Variants in HLF observed in about 807,000 individuals in gnomAD.
HLF encodes hepatic leukemia factor.
A neutral mutation model predicts 22.6 loss-of-function variants in HLF; 3 were observed. That is an observed-to-expected ratio of 0.13 (90% confidence interval 0.06 to 0.34). The LOEUF (loss-of-function observed/expected upper bound fraction) is 0.34. Among genes scored for constraint, HLF ranks in the 10% least tolerant of loss-of-function variants. The pLI is 1.00. For synonymous variants in HLF, 151 were observed against 151.8 expected (o/e 0.99, Z 0.04); for missense variants, 299 against 389.2 (o/e 0.77, Z 1.95).
chr17:55,274,035 C>G (rs1276350975), intron 2 of HLF, among the ~76,000 whole-genome samples: 1 of 151,932 alleles, frequency 6.6e-6, no homozygotes, highest in African/African-American at 2.4e-5. Context: ...CAGAGTCTTT[C>G]CAGTTCAGCA....
chr17:55,316,058 C>A (rs922716850), intron 3 of HLF, among the ~76,000 whole-genome samples: 2 of 152,174 alleles, frequency 1.3e-5, no homozygotes, highest in Non-Finnish European at 2.9e-5. Flanking sequence ...TAGGTTTTCT[C>A]TGCAGTGTTG....
At chr17:55,298,814 A>G (rs1298159454) in intron 2 of HLF, among the ~76,000 whole-genome samples, 1 of 152,250 alleles carries the variant, frequency 6.6e-6, no homozygotes, top group Non-Finnish European at 1.5e-5. Flanking sequence ...ACTTGAATTT[A>G]TATGAGAAAA....
intron 2 of HLF, among the ~76,000 whole-genome samples, chr17:55,292,524 A>G (rs2081073117): frequency 6.6e-6 from 1 of 152,234 alleles, no homozygotes; most frequent in Non-Finnish European, 1.5e-5. Flanking sequence ...TATAGCATAA[A>G]CATAAATTTT....
At chr17:55,298,776 CTGTT>C (rs1249129230) in intron 2 of HLF, among the ~76,000 whole-genome samples, 5 of 152,114 alleles carry the variant, frequency 3.3e-5, no homozygotes, top group South Asian at 4.2e-4. Context: ...AAATCAGTGG[CTGTT>C]TGGCCATTTT....
At chr17:55,276,488 A>T (rs1422753058) in intron 2 of HLF, among the ~76,000 whole-genome samples, 1 of 152,234 alleles carries the variant, frequency 6.6e-6, no homozygotes, top group Non-Finnish European at 1.5e-5. Context: ...CCTTTGCTCA[A>T]GGCAAAGGTG....
At chr17:55,265,993 G>A (rs1441499998) in intron 1 of HLF, 2 of 304,078 alleles carry the variant, frequency 6.6e-6, no homozygotes, top group Non-Finnish European at 9.9e-6. Flanking sequence ...GCCTGGTTCT[G>A]TGCGGGGCAG....
At chr17:55,316,030 C>T (rs536437189) in intron 3 of HLF, among the ~76,000 whole-genome samples, 47 of 152,232 alleles carry the variant, frequency 3.1e-4, no homozygotes, top group Non-Finnish European at 2.6e-4. Context: ...AATATCTCAC[C>T]GCTAGATTAA....
In HLF at chr17:55,296,171, G is replaced by T. The variant is rs970086973; in HGVS notation, c.452-19056G>T. On this transcript the variant is annotated intron_variant, in intron 2 of 3. Coordinates refer to ENST00000226067, the MANE Select transcript of HLF (RefSeq NM_002126.5). ...ATGGTGTGAATATTCCTGAGGTGTG[G>T]GTGGTTGGTTTCCTTACAAGGTAGG... Among the ~76,000 whole-genome samples the T allele has an allele frequency of 3.3e-5, 5 of 152,262 alleles. No individual in the cohort carries two copies. In the South Asian group the frequency reaches 6.2e-4, roughly 19 times the overall value.
chr17:55,315,547 GA>G (rs3841527), intron 3 of HLF, 100 bp downstream of exon 3: 75,386 of 848,320 alleles, frequency 0.089, 7,837 homozygotes, highest in East Asian at 0.45. Flanking sequence ...GCTAGTGCAT[GA>G]AGGATTTCTG....
chr17:55,277,887 G>A (rs370902988), intron 2 of HLF, among the ~76,000 whole-genome samples: 1 of 152,212 alleles, frequency 6.6e-6, no homozygotes, highest in Non-Finnish European at 1.5e-5. Context: ...AAATTGGCTT[G>A]TGGTGGGTAC....
rs781589675 is a variant in HLF at position 55,315,210 on chromosome 17, C to T, written c.452-17C>T. On this transcript the variant is annotated splice_polypyrimidine_tract_variant and intron_variant, in intron 2 of 3. Coordinates refer to ENST00000226067, the MANE Select transcript of HLF (RefSeq NM_002126.5). The stretch of plus-strand genomic sequence containing the variant: ...TCTCTAGGGTGTTCATGAATTAAAA[C>T]TCCTGTGTTGTTCCAGGTCAGCTGT... The T allele has an allele frequency of 6.2e-6, 10 of 1,608,290 alleles. No homozygotes were observed. The African/African-American group carries it at 1.3e-4, about 22-fold the overall frequency.
intron 1 of HLF, 196 bp downstream of exon 1, chr17:55,265,795 G>T: frequency 1.5e-6 from 2 of 1,339,642 alleles, no homozygotes; most frequent in South Asian, 1.9e-5. Flanking sequence ...AAAGGGGAGG[G>T]ACCCCTCCTG....
Position 55,267,956 on chromosome 17 carries a change from C to T in HLF, c.321C>T (p.Ser107=). 2 of 1,614,128 alleles carry T rather than the reference C, an allele frequency of 1.2e-6. No individual in the cohort carries two copies. The highest frequency in any genetic ancestry group is 1.1e-5 in the South Asian group (1 of 91,070). Residue 107 remains serine, a synonymous_variant, in exon 2 of 4, where the codon AGC becomes AGT. Coordinates refer to ENST00000226067, the MANE Select transcript of HLF (RefSeq NM_002126.5). ...IPPSPSQHDH[S]PHPPGLQPAS... ...CCAGCCCATCTCAGCATGACCACAG[C>T]CCTCACCCTCCTGGGCTGCAGCCAG...
Position 55,300,405 on chromosome 17 carries a change from C to T in HLF, c.452-14822C>T, listed in dbSNP as rs187995584. Among the ~76,000 whole-genome samples, 8 of 152,280 alleles carry T rather than the reference C, an allele frequency of 5.3e-5. No individual in the cohort carries two copies. In the East Asian group the frequency reaches 1.5e-3, roughly 29 times the overall value. On this transcript the variant is annotated intron_variant, in intron 2 of 3. Transcript: ENST00000226067. ...CTGTGTGCTCTCCTGGGGAGATAATCAGATTATAACATCTGCATCTCCAGT... is the reference window on the plus strand; with the variant it reads ...CTGTGTGCTCTCCTGGGGAGATAATTAGATTATAACATCTGCATCTCCAGT...
intron 3 of HLF, among the ~76,000 whole-genome samples, chr17:55,317,805 C>T (rs936965474): frequency 6.6e-6 from 1 of 152,048 alleles, no homozygotes; most frequent in Non-Finnish European, 1.5e-5. Flanking sequence ...TGAACTTCCT[C>T]TCTTGAGCCA....
intron 2 of HLF, among the ~76,000 whole-genome samples, chr17:55,274,378 G>A (rs2080886201): frequency 6.6e-6 from 1 of 152,144 alleles, no homozygotes; most frequent in South Asian, 2.1e-4. Context: ...TAATGGGTGT[G>A]GGTGAGAATA....
intron 2 of HLF, among the ~76,000 whole-genome samples, chr17:55,293,740 C>T (rs1598399151): frequency 6.6e-6 from 1 of 152,258 alleles, no homozygotes; most frequent in Middle Eastern, 3.4e-3. Context: ...CACCAAAGCC[C>T]ATTCATGGAG....
intron 2 of HLF, among the ~76,000 whole-genome samples, chr17:55,306,631 C>T (rs74318427): frequency 4.7e-5 from 7 of 150,150 alleles, no homozygotes; most frequent in South Asian, 2.1e-4. Context: ...GTACATCAAC[C>T]GTGTAATGTG....
chr17:55,271,099 G>A (rs768839945), intron 2 of HLF, among the ~76,000 whole-genome samples: 6 of 152,160 alleles, frequency 3.9e-5, no homozygotes, highest in African/African-American at 7.2e-5. Context: ...AGTCACTCCC[G>A]GTGGAGAACC....
Sources: allele counts gnomAD v4.1 joint callset (sites outside exome capture counted in the v4.1 genomes callset), GRCh38; gene constraint gnomAD v4.1.1; transcripts MANE v1.5; gene names NCBI Gene and HGNC (gene_info 2026-07-23, HGNC 2026-07-21).